ZBTB46: variants seen among roughly 807,000 people sequenced by gnomAD.
ZBTB46 encodes zinc finger and BTB domain containing 46, also known as zinc finger and BTB domain-containing protein 46.
A neutral mutation model predicts 44.1 loss-of-function variants in ZBTB46; 8 were observed. The observed-to-expected ratio is 0.18, with a 90% CI of 0.11 to 0.33. ZBTB46 has a LOEUF of 0.33. Among genes scored for constraint, ZBTB46 ranks in the 10% least tolerant of loss-of-function variants. The pLI is 1.00. For missense variants in ZBTB46, 651 were observed against 847.7 expected (o/e 0.77, Z 2.88); for synonymous variants, 409 against 382.3 (o/e 1.07, Z -0.81).
At chr20:63,788,909 C>T (rs2092537521) in intron 2 of ZBTB46, among the ~76,000 whole-genome samples, 1 of 149,516 alleles carries the variant, frequency 6.7e-6, no homozygotes, top group Non-Finnish European at 1.5e-5. Flanking sequence ...GATCTCGGCT[C>T]ACCACAACCT....
chr20:63,753,341 T>A (rs952171150), intron 3 of ZBTB46, among the ~76,000 whole-genome samples: 1 of 152,150 alleles, frequency 6.6e-6, no homozygotes, highest in African/African-American at 2.4e-5. Context: ...AAATGGGAGA[T>A]GTGGGTGCAA....
At chr20:63,811,179 GCCCCA>G (rs1427742870) in intron 1 of ZBTB46, among the ~76,000 whole-genome samples, 4 of 151,850 alleles carry the variant, frequency 2.6e-5, no homozygotes, top group African/African-American at 9.7e-5. Flanking sequence ...ATGGGCATGA[GCCCCA>G]CCCCGCCCAG....
intron 1 of ZBTB46, among the ~76,000 whole-genome samples, chr20:63,792,111 G>C (rs1317447511): frequency 6.6e-6 from 1 of 152,108 alleles, no homozygotes; most frequent in African/African-American, 2.4e-5. Context: ...CGGGAGTAGG[G>C]GCCCACCCCC....
chr20:63,790,749 G>A lies in ZBTB46; in HGVS notation c.9C>T (p.Asn3=). 6.2e-7 allele frequency: 1 copy of A among 1,601,572 alleles called. No individual in the cohort carries two copies. Among genetic ancestry groups the A allele is most frequent in the Non-Finnish European group, 8.5e-7 (1 of 1,174,726 alleles). ...ACGTGATTTCCATATCTTCCTTTCG[G>A]TTGTTCATTTGGAAGCCCTGGTGTC... is the stretch of plus-strand genomic sequence containing the variant. The part of the protein sequence containing the change: MN[N]RKEDMEITSH... Residue 3 remains asparagine (N), a synonymous_variant, in exon 2 of 5, where the codon AAC becomes AAT. Transcript: ENST00000245663.
chr20:63,768,452 G>A (rs1315770681), intron 3 of ZBTB46, among the ~76,000 whole-genome samples: 3 of 152,114 alleles, frequency 2.0e-5, no homozygotes, highest in Non-Finnish European at 4.4e-5. Flanking sequence ...TTAGCCAGGC[G>A]TGGTGGTGTG....
intron 3 of ZBTB46, among the ~76,000 whole-genome samples, chr20:63,765,117 G>T (rs1207996604): frequency 6.6e-6 from 1 of 151,852 alleles, no homozygotes; most frequent in African/African-American, 2.4e-5. Flanking sequence ...GTGTGTGTGT[G>T]TGCGTGTGTG....
At chr20:63,747,495 A>T (rs956841373) in intron 4 of ZBTB46, among the ~76,000 whole-genome samples, 194 bp from the exon 5 acceptor site, 1 of 15,058 alleles carries the variant, frequency 6.6e-5, no homozygotes, top group African/African-American at 2.1e-4. Flanking sequence ...GGCCCGGTGG[A>T]GGTTGGGAGG....
At chr20:63,751,753 C>CA (rs1489298371) in intron 4 of ZBTB46, among the ~76,000 whole-genome samples, 1 of 107,094 alleles carries the variant, frequency 9.3e-6, no homozygotes, top group African/African-American at 4.4e-5. Context: ...GGTGGGTCTC[C>CA]CATGAAGCCC....
chr20:63,822,766 C>T (rs1039603348), intron 1 of ZBTB46, among the ~76,000 whole-genome samples: 1 of 152,140 alleles, frequency 6.6e-6, no homozygotes, highest in African/African-American at 2.4e-5. Context: ...GTCGTCCCAG[C>T]ACTTTGGGAG....
chr20:63,775,593 C>G, intron 3 of ZBTB46, 85 bp downstream of exon 3: 601 of 1,434,108 alleles, frequency 4.2e-4, no homozygotes, highest in Non-Finnish European at 5.0e-4. Context: ...AGACCCTCAG[C>G]CTCATCTCAT....
Position 63,744,603 on chromosome 20 carries a change from C to T in ZBTB46, c.*2327G>A, listed in dbSNP as rs951805482. The T allele has an allele frequency of 7.9e-5, 12 of 152,302 alleles. No homozygotes were observed. Among genetic ancestry groups the T allele is most frequent in the Non-Finnish European group, 1.3e-4 (9 of 68,024 alleles). The allele number at this position is 152,302 out of a possible 1,614,324, so 9.4% of individuals were successfully genotyped here. On this transcript the variant is annotated 3_prime_UTR_variant, in exon 5 of 5. Transcript: ENST00000245663. ...GTCACATAAAAAAAACCCTTCATGA[C>T]ATGTCTTTTCCCTCCACGCCTCCTG...
rs978593395 is a variant in ZBTB46, at chr20:63,830,819, C to T, written c.-34+278G>A. ...CGCGCTCAGCCCCGCGGGGAACCCG[C>T]GCCGCCCCCGCGCGCCCCGCCCCGC... On this transcript the variant is annotated intron_variant, in intron 1 of 4. Transcript: ENST00000245663. Among the ~76,000 whole-genome samples, 187 of 143,968 alleles carry T rather than the reference C, an allele frequency of 1.3e-3. 2 individuals are homozygous for T. Among genetic ancestry groups the T allele is most frequent in the Non-Finnish European group, 1.9e-3 (123 of 64,888 alleles). 94.4% of individuals were successfully genotyped at this position (143,968 alleles called of 152,430 possible).
At chr20:63,772,880 C>T (rs555173640) in intron 3 of ZBTB46, among the ~76,000 whole-genome samples, 2 of 152,194 alleles carry the variant, frequency 1.3e-5, no homozygotes, top group Non-Finnish European at 2.9e-5. Flanking sequence ...CAGAACCACT[C>T]AAGGTCCCAG....
rs768146779 is a variant in ZBTB46 at position 63,775,962 on chromosome 20, T to C, written c.938A>G (p.Asn313Ser). Reference protein sequence around the residue: ...SGWPFSSRDSNADLSVTEASS... With the variant: ...SGWPFSSRDSSADLSVTEASS... ...GGCTTCGGTGACGGACAGGTCCGCA[T>C]CTGGGGACAGAGGGACACACGTCAG... The change falls in exon 3 of 5, where the codon AAT (asparagine) becomes AGT (serine). Residue 313 changes from asparagine to serine, a missense_variant and splice_region_variant. Around this residue, in one of 5 missense-constraint regions of ZBTB46, gnomAD observed 385 missense variants for 423.3 expected, o/e 0.91. Transcript: ENST00000245663. 1 of 1,553,068 alleles carries C rather than the reference T, an allele frequency of 6.4e-7. No individual in the cohort carries two copies. Among genetic ancestry groups the C allele is most frequent in the Non-Finnish European group, 8.7e-7 (1 of 1,154,406 alleles).
chr20:63,802,432 A>G (rs1029130876), intron 1 of ZBTB46, among the ~76,000 whole-genome samples: 21 of 150,788 alleles, frequency 1.4e-4, no homozygotes, highest in African/African-American at 4.9e-4. Context: ...AAAAAAAACA[A>G]TGAGGTTACT....
intron 1 of ZBTB46, among the ~76,000 whole-genome samples, chr20:63,830,264 G>A (rs2092841395): frequency 6.6e-6 from 1 of 152,142 alleles, no homozygotes; most frequent in Non-Finnish European, 1.5e-5. Context: ...CTGGCGCAGA[G>A]AATTCCCCGT....
intron 3 of ZBTB46, chr20:63,768,012 C>T (rs1371482100): frequency 5.1e-6 from 5 of 985,314 alleles, no homozygotes; most frequent in African/African-American, 1.7e-5. Flanking sequence ...AGTTACAGAC[C>T]GTCAGGATGG....
intron 1 of ZBTB46, among the ~76,000 whole-genome samples, chr20:63,823,343 C>A (rs551138675): frequency 1.3e-5 from 2 of 151,496 alleles, no homozygotes; most frequent in African/African-American, 4.9e-5. Flanking sequence ...AAAAAAAGTA[C>A]AAAAATTAGC....
intron 3 of ZBTB46, chr20:63,768,176 T>G: frequency 1.1e-6 from 1 of 942,208 alleles, no homozygotes; most frequent in Non-Finnish European, 1.3e-6. Flanking sequence ...ATATATGCAT[T>G]AACAAAACAT....
Sources: allele counts gnomAD v4.1 joint callset (sites outside exome capture counted in the v4.1 genomes callset), GRCh38; gene constraint gnomAD v4.1.1; regional missense constraint gnomAD v4.1.1; transcripts MANE v1.5; gene names NCBI Gene and HGNC (gene_info 2026-07-23, HGNC 2026-07-21).